Variants in TXNRD1 observed in about 807,000 individuals in gnomAD.
TXNRD1 encodes thioredoxin reductase 1.
TXNRD1 carries 57 observed loss-of-function variants against 80.3 expected under a neutral mutation model. That is an observed-to-expected ratio of 0.71 (90% CI 0.57 to 0.89). The LOEUF is 0.89. Ranked by LOEUF, TXNRD1 falls within the 40% of genes least tolerant of loss-of-function variation. The pLI, the probability that TXNRD1 is intolerant of heterozygous loss-of-function variation, is 0.00. For synonymous variants in TXNRD1, 291 were observed against 285.2 expected, an observed-to-expected ratio of 1.02 and a Z score of -0.20; for missense variants, 730 against 803.0, an observed-to-expected ratio of 0.91 and a Z score of 1.10.
chr12:104,246,162 T>A (rs2032987719), intron 1 of TXNRD1, among the ~76,000 whole-genome samples: 1 of 140,858 alleles, frequency 7.1e-6, no homozygotes, highest in Admixed American at 7.4e-5. Flanking sequence ...GCACAGTGGC[T>A]CACACCTGTA....
chr12:104,307,353 G>T (rs1391495934), intron 4 of TXNRD1, among the ~76,000 whole-genome samples: 1 of 152,222 alleles, frequency 6.6e-6, no homozygotes, highest in Non-Finnish European at 1.5e-5. Context: ...ACGCAGGGAA[G>T]CTCAGCGGAG....
chr12:104,319,793 T>C (rs1163689331), intron 9 of TXNRD1, among the ~76,000 whole-genome samples: 1 of 152,222 alleles, frequency 6.6e-6, no homozygotes, highest in Admixed American at 6.5e-5. Context: ...ACTTCAAACA[T>C]TGGTCATCTT....
chr12:104,226,285 G>A (rs964309984), intron 1 of TXNRD1, among the ~76,000 whole-genome samples: 2 of 152,302 alleles, frequency 1.3e-5, no homozygotes, highest in Admixed American at 6.5e-5. Flanking sequence ...CAGTTATACG[G>A]ATGCTGAAGA....
At chr12:104,324,453 G>A (rs1028914921) in intron 10 of TXNRD1, among the ~76,000 whole-genome samples, 17 of 148,366 alleles carry the variant, frequency 1.1e-4, no homozygotes, top group Non-Finnish European at 1.9e-4. Context: ...CCGGGTTCAC[G>A]CCATTCTTCT....
chr12:104,305,336 A>T (rs1243388544), intron 4 of TXNRD1: 1 of 136,990 alleles, frequency 7.3e-6, no homozygotes, highest in Non-Finnish European at 1.5e-5. Flanking sequence ...CAGGTTGGGC[A>T]AAGAGTGGGT....
intron 2 of TXNRD1, among the ~76,000 whole-genome samples, chr12:104,256,335 A>G (rs2033247327): frequency 6.6e-6 from 1 of 152,210 alleles, no homozygotes; most frequent in Non-Finnish European, 1.5e-5. Flanking sequence ...TTTTGCGTGC[A>G]TCTTGCTGTG....
intron 1 of TXNRD1, among the ~76,000 whole-genome samples, chr12:104,224,485 T>G (rs542388822): frequency 2.0e-5 from 3 of 152,268 alleles, no homozygotes; most frequent in Non-Finnish European, 4.4e-5. Flanking sequence ...GCCTCCCAGG[T>G]TGAGGCAATT....
intron 2 of TXNRD1, among the ~76,000 whole-genome samples, chr12:104,252,649 AATTTATT>A (rs1322021719): frequency 4.2e-5 from 1 of 23,834 alleles, no homozygotes; most frequent in African/African-American, 1.6e-4. Context: ...CTGAGAGGTT[AATTTATT>A]ATTTTTTATA....
rs987444368 is a variant in TXNRD1 at position 104,265,365 on chromosome 12, C to T, written c.304+7286C>T. The T allele has an allele frequency of 1.4e-5, 22 of 1,608,782 alleles. No homozygotes were observed. In the African/African-American group the frequency reaches 1.9e-4, roughly 14 times the overall value. ...AGGTAGTGGGTCGCTGCCTGCCCAC[C>T]CCCAAATGCCACACGCCGCCCCTCT... is the stretch of plus-strand genomic sequence containing the variant. On this transcript the variant is annotated intron_variant, in intron 3 of 16. Transcript: ENST00000525566.
chr12:104,331,275 G>T (rs954539100), intron 13 of TXNRD1, among the ~76,000 whole-genome samples: 3 of 152,114 alleles, frequency 2.0e-5, no homozygotes, highest in African/African-American at 7.2e-5. Context: ...ACATCAGTTG[G>T]TTGATGGATG....
intron 1 of TXNRD1, among the ~76,000 whole-genome samples, chr12:104,235,467 A>G (rs1437342768): frequency 1.3e-5 from 2 of 152,172 alleles, no homozygotes; most frequent in Non-Finnish European, 2.9e-5. Flanking sequence ...AGAAGAACTC[A>G]CTGTTTCCAG....
At chr12:104,255,088 A>G (rs1006996616) in intron 2 of TXNRD1, among the ~76,000 whole-genome samples, 3 of 152,120 alleles carry the variant, frequency 2.0e-5, no homozygotes, top group Middle Eastern at 3.2e-3. Context: ...CCTGGGTGAC[A>G]GAGCAAGACT....
chr12:104,339,249 T>A lies in TXNRD1; in HGVS notation c.1857T>A (p.Ile619=), dbSNP rs780377758. The A allele has an allele frequency of 3.7e-6, 6 of 1,613,860 alleles. No individual in the cohort carries two copies. The East Asian group carries it at 8.9e-5, about 24-fold the overall frequency. ...CCAAAAAGCAGCTGGACAGCACAAT[T>A]GGAATCCACCCTGTCTGTGCAGAGG... ...GLTKKQLDST[I]GIHPVCAEVF... Residue 619 remains isoleucine (I), a synonymous_variant, in exon 16 of 17, where the codon ATT becomes ATA. Coordinates refer to ENST00000525566, the MANE Select transcript of TXNRD1 (RefSeq NM_001093771.3).
intron 4 of TXNRD1, chr12:104,305,175 C>G (rs899885736): frequency 5.5e-6 from 2 of 360,382 alleles, no homozygotes; most frequent in East Asian, 1.0e-4. Flanking sequence ...CCCTTTAAGA[C>G]TATTAATAAA....
chr12:104,288,308 G>A (rs2034045102), intron 3 of TXNRD1, among the ~76,000 whole-genome samples: 1 of 152,216 alleles, frequency 6.6e-6, no homozygotes, highest in Admixed American at 6.5e-5. Flanking sequence ...TAGGCCTCAT[G>A]TCAGTGTAAC....
chr12:104,231,723 C>T (rs1387291943), intron 1 of TXNRD1, among the ~76,000 whole-genome samples: 1 of 152,208 alleles, frequency 6.6e-6, no homozygotes, highest in Non-Finnish European at 1.5e-5. Flanking sequence ...AAAGAAACCT[C>T]TGGGTTATGG....
At chr12:104,303,811 C>G in intron 4 of TXNRD1, 1 of 1,389,124 alleles carries the variant, frequency 7.2e-7, no homozygotes, top group Non-Finnish European at 9.5e-7. Context: ...CAGAGATACC[C>G]GTGGCCGGCA....
chr12:104,299,660 G>C (rs1036887873), intron 4 of TXNRD1, among the ~76,000 whole-genome samples: 7 of 151,800 alleles, frequency 4.6e-5, no homozygotes, highest in African/African-American at 1.5e-4. Context: ...CCAGCTACTC[G>C]GGAGGCTGAG....
At chr12:104,327,694 A>G (rs1593851869) in intron 13 of TXNRD1, 23 bp downstream of exon 13, 4 of 1,611,634 alleles carry the variant, frequency 2.5e-6, no homozygotes, top group Non-Finnish European at 1.7e-6. Context: ...CTTGTTGCCC[A>G]TTAGATACTG....
Sources: gnomAD v4.1 joint callset for allele counts (sites outside exome capture counted in the v4.1 genomes callset) on GRCh38, gnomAD v4.1.1 for gene constraint, MANE v1.5 for transcripts, NCBI Gene and HGNC (gene_info 2026-07-23, HGNC 2026-07-21) for gene names.